The following TXNRD3 variants were observed in gnomAD, a reference collection of about 807,000 sequenced individuals.
The protein encoded by TXNRD3 is thioredoxin reductase 3.
TXNRD3 carries 68 observed loss-of-function variants against 78.2 expected under a neutral mutation model. The observed-to-expected ratio is 0.87, with a 90% confidence interval of 0.72 to 1.06. The LOEUF is 1.06. Ranked by LOEUF, TXNRD3 falls within the 50% of genes least tolerant of loss-of-function variation. TXNRD3 has a pLI of 0.00. For missense variants in TXNRD3, 751 were observed against 809.5 expected, an observed-to-expected ratio of 0.93 and a Z score of 0.88; for synonymous variants, 296 against 300.1, an observed-to-expected ratio of 0.99 and a Z score of 0.14.
At chr3:126,645,613 ATAAC>A (rs1323442759) in intron 3 of TXNRD3, among the ~76,000 whole-genome samples, 13 of 152,358 alleles carry the variant, frequency 8.5e-5, no homozygotes, top group African/African-American at 3.1e-4. Context: ...ATAAAAGTAA[ATAAC>A]TAATTATAAA....
At chr3:126,631,202 TA>T (rs5852488) in intron 8 of TXNRD3, among the ~76,000 whole-genome samples, 88,384 of 149,942 alleles carry the variant, frequency 0.59, 26,419 homozygotes, top group Non-Finnish European at 0.66. Flanking sequence ...TTACATGTGA[TA>T]AAAAAAAAAA....
intron 10 of TXNRD3, among the ~76,000 whole-genome samples, chr3:126,623,829 G>A (rs1168043141): frequency 8.4e-6 from 1 of 118,786 alleles, no homozygotes; most frequent in Non-Finnish European, 1.6e-5. Context: ...CTGTATTGGA[G>A]GTATTAGCCA....
At chr3:126,642,360 T>A (rs755652779) in intron 5 of TXNRD3, among the ~76,000 whole-genome samples, 15 of 152,232 alleles carry the variant, frequency 9.9e-5, no homozygotes, top group Admixed American at 2.6e-4. Flanking sequence ...CAGATGTGCA[T>A]GTGAGAAGTT....
chr3:126,642,253 G>C (rs528996113), intron 5 of TXNRD3, 102 bp from the exon 6 acceptor site: 1 of 1,350,086 alleles, frequency 7.4e-7, no homozygotes, highest in East Asian at 2.7e-5. Flanking sequence ...CTCAATGGTG[G>C]GGGGGATGAC....
intron 11 of TXNRD3, 34 bp from the exon 12 acceptor site, chr3:126,621,932 T>G (rs753943296): frequency 6.8e-7 from 1 of 1,461,676 alleles, no homozygotes; most frequent in South Asian, 1.4e-5. Context: ...AAATATATAT[T>G]ACAACTCACT....
intron 7 of TXNRD3, 51 bp downstream of exon 7, chr3:126,633,858 T>C (rs186038352): frequency 7.2e-7 from 1 of 1,398,400 alleles, no homozygotes; most frequent in Admixed American, 2.8e-5. Context: ...AAGGCAAGTA[T>C]AAACAATTGT....
intron 12 of TXNRD3, among the ~76,000 whole-genome samples, chr3:126,620,516 C>G (rs7638412): frequency 0.59 from 89,222 of 151,806 alleles, 26,777 homozygotes; most frequent in Non-Finnish European, 0.65. Flanking sequence ...CTCAGCAAAA[C>G]AAAAAAGGAA....
intron 3 of TXNRD3, among the ~76,000 whole-genome samples, chr3:126,645,409 T>G (rs1347583617): frequency 6.6e-6 from 1 of 152,236 alleles, no homozygotes; most frequent in African/African-American, 2.4e-5. Context: ...TGAACTAGGT[T>G]ATAAATTCTA....
chr3:126,615,482 C>G lies in TXNRD3; in HGVS notation c.1525-20G>C. 7.8e-7 allele frequency: 1 copy of G among 1,279,700 alleles called. No individual in the cohort carries two copies. Among genetic ancestry groups the G allele is most frequent in the Non-Finnish European group, 1.1e-6 (1 of 941,944 alleles). 79.3% of individuals were successfully genotyped at this position (1,279,700 alleles called of 1,614,324 possible). A position where few individuals can be genotyped will look rare whatever the true frequency, so the allele number is the denominator to read the frequency against. On this transcript the variant is annotated intron_variant, in intron 12 of 15. Transcript: ENST00000524230. ...ATCACACTGAAAGACAAACAAATTACATTGTCTTATTTTGTGAAACTTTAT... is the reference window on the plus strand; with the variant it reads ...ATCACACTGAAAGACAAACAAATTAGATTGTCTTATTTTGTGAAACTTTAT...
chr3:126,654,855 TG>T lies in TXNRD3; in HGVS notation c.135del (p.Ser46AlafsTer24). 1 of 1,354,564 alleles carries T rather than the reference TG, an allele frequency of 7.4e-7. No individual in the cohort carries two copies. The highest frequency in any genetic ancestry group is 1.8e-5 in the South Asian group (1 of 55,720). The allele number at this position is 1,354,564 out of a possible 1,614,324, so 83.9% of individuals were successfully genotyped here. On this transcript the variant is annotated frameshift_variant, in exon 1 of 16. Transcript: ENST00000524230. LOFTEE classifies it high-confidence loss of function. ...TCCTCGCGGGCCTCGGACGAGCGGC[TG>T]GGCCCGGGGGACGACAGGCGGGCAC...
At position 126,631,888 on chromosome 3, in the gene TXNRD3, A is replaced by T; in HGVS notation, c.856-9T>A. On this transcript the variant is annotated splice_polypyrimidine_tract_variant and intron_variant, in intron 7 of 15. Coordinates refer to ENST00000524230, the MANE Select transcript of TXNRD3 (RefSeq NM_052883.3). Reference sequence around the variant, plus strand: ...CCTTTTTTATTGGTTGCCTTGAAAAAAGAGAAGTAAACCTCACTTAGCAAA... The same window carrying T: ...CCTTTTTTATTGGTTGCCTTGAAAATAGAGAAGTAAACCTCACTTAGCAAA... 1 of 1,523,804 alleles carries T rather than the reference A, an allele frequency of 6.6e-7. No homozygotes were observed. Among genetic ancestry groups the T allele is most frequent in the Non-Finnish European group, 8.8e-7 (1 of 1,135,638 alleles). The allele number at this position is 1,523,804 out of a possible 1,614,324, so 94.4% of individuals were successfully genotyped here.
intron 13 of TXNRD3, among the ~76,000 whole-genome samples, chr3:126,612,141 C>T (rs963423301): frequency 2.6e-5 from 4 of 152,052 alleles, no homozygotes; most frequent in South Asian, 4.1e-4. Context: ...CAGGTTCGAG[C>T]GATCCTCCTG....
At chr3:126,650,075 A>T (rs1351696396) in intron 1 of TXNRD3, among the ~76,000 whole-genome samples, 1 of 152,254 alleles carries the variant, frequency 6.6e-6, no homozygotes, top group Non-Finnish European at 1.5e-5. Context: ...TTTGTAATTC[A>T]CAAATGTATG....
chr3:126,633,444 T>A (rs1328403791), intron 7 of TXNRD3, among the ~76,000 whole-genome samples: 2 of 152,180 alleles, frequency 1.3e-5, no homozygotes, highest in African/African-American at 4.8e-5. Flanking sequence ...ATGATCTCAT[T>A]TTCCATATGT....
chr3:126,633,825 C>G (rs1938784880), intron 7 of TXNRD3, 84 bp downstream of exon 7: 1 of 1,197,576 alleles, frequency 8.4e-7, no homozygotes, highest in Non-Finnish European at 1.1e-6. Context: ...CACCCCTTAA[C>G]ATGCAACATG....
intron 3 of TXNRD3, 58 bp from the exon 4 acceptor site, chr3:126,644,459 A>G: frequency 1.7e-6 from 2 of 1,163,550 alleles, no homozygotes; most frequent in Non-Finnish European, 2.4e-6. Context: ...ACAGCTATTT[A>G]TGTACACCCT....
At chr3:126,644,509 G>GA in intron 3 of TXNRD3, 108 bp from the exon 4 acceptor site, 1 of 755,314 alleles carries the variant, frequency 1.3e-6, no homozygotes, top group East Asian at 2.7e-5. Flanking sequence ...AAAATCTTAG[G>GA]AAAAATCTAT....
chr3:126,637,932 CTTTTTTTTTTTTTT>C (rs71615916), intron 6 of TXNRD3, among the ~76,000 whole-genome samples: 49 of 60,236 alleles, frequency 8.1e-4, no homozygotes, highest in African/African-American at 3.0e-3. Context: ...ATTTCTCTCT[CTTTTTTTTTTTTTT>C]TTTTTTTTTT....
intron 1 of TXNRD3, among the ~76,000 whole-genome samples, chr3:126,649,716 A>G (rs1030208397): frequency 1.7e-4 from 26 of 152,376 alleles, no homozygotes; most frequent in African/African-American, 5.5e-4. Context: ...TGTTTAGGAC[A>G]TTACTCTAAG....
Sources: allele counts gnomAD v4.1 joint callset (sites outside exome capture counted in the v4.1 genomes callset), GRCh38; gene constraint gnomAD v4.1.1; transcripts MANE v1.5; gene names NCBI Gene and HGNC (gene_info 2026-07-23, HGNC 2026-07-21).